Variants in WWOX observed in about 807,000 individuals in gnomAD.
WWOX encodes WW domain-containing oxidoreductase.
WWOX carries 69 observed loss-of-function variants against 46.2 expected under a neutral mutation model. The observed-to-expected ratio is 1.49, with a 90% CI of 1.23 to 1.82. WWOX has a LOEUF of 1.82. Among genes scored for constraint, WWOX ranks in the 40% most tolerant of loss-of-function variants. WWOX has a pLI of 0.00. For missense variants in WWOX, 919 were observed against 542.6 expected (o/e 1.69, Z -6.89); for synonymous variants, 359 against 202.6 (o/e 1.77, Z -6.56).
Position 78,443,482 on chromosome 16 carries a change from C to T in WWOX, c.1056+10730C>T, listed in dbSNP as rs147092591. ...GCTTGGAGGAAACATTGGCCACTTTCTTGTTAAAAACAAAGAGAGGGAAAC... is the reference window on the plus strand; with the variant it reads ...GCTTGGAGGAAACATTGGCCACTTTTTTGTTAAAAACAAAGAGAGGGAAAC... On this transcript the variant is annotated intron_variant, in intron 8 of 8. Coordinates refer to ENST00000566780, the MANE Select transcript of WWOX (RefSeq NM_016373.4). Among the ~76,000 whole-genome samples, 9 of 152,228 alleles carry T rather than the reference C, an allele frequency of 5.9e-5. No individual in the cohort carries two copies. The South Asian group carries it at 1.7e-3, about 28-fold the overall frequency.
intron 8 of WWOX, among the ~76,000 whole-genome samples, chr16:78,718,306 T>A (rs997659630): frequency 2.0e-5 from 3 of 151,992 alleles, no homozygotes; most frequent in Non-Finnish European, 4.4e-5. Context: ...GGATTCTCAC[T>A]GGATACCATC....
intron 8 of WWOX, among the ~76,000 whole-genome samples, chr16:78,760,901 C>A (rs999965152): frequency 1.3e-5 from 2 of 152,176 alleles, no homozygotes; most frequent in Admixed American, 6.5e-5. Flanking sequence ...GGGAAAGGCG[C>A]ATCTCACGTG....
Position 78,114,235 on chromosome 16 carries a change from C to T in WWOX, c.231-741C>T, listed in dbSNP as rs191531841. Among the ~76,000 whole-genome samples, 111 of 151,854 alleles carry T rather than the reference C, an allele frequency of 7.3e-4. 2 individuals are homozygous for T. Among genetic ancestry groups the T allele is most frequent in the Admixed American group, 6.9e-3 (105 of 15,246 alleles). On this transcript the variant is annotated intron_variant, in intron 3 of 8. Coordinates refer to ENST00000566780, the MANE Select transcript of WWOX (RefSeq NM_016373.4). ...CCTACCTCAGCCTCCCAAGTAGCTG[C>T]GACTACAGGCGTGTGCTATCACACT...
intron 8 of WWOX, among the ~76,000 whole-genome samples, chr16:79,024,933 A>G (rs903772514): frequency 6.6e-6 from 1 of 152,136 alleles, no homozygotes; most frequent in Non-Finnish European, 1.5e-5. Context: ...TGAGTGTGGG[A>G]TGAGGATGGG....
chr16:78,222,534 A>C (rs866378340), intron 5 of WWOX, among the ~76,000 whole-genome samples: 1 of 152,144 alleles, frequency 6.6e-6, no homozygotes, highest in Non-Finnish European at 1.5e-5. Context: ...TTTGCAGCCG[A>C]GACATCGGGG....
intron 8 of WWOX, among the ~76,000 whole-genome samples, chr16:78,941,998 G>A (rs1207292432): frequency 3.3e-5 from 5 of 152,118 alleles, no homozygotes; most frequent in African/African-American, 1.2e-4. Context: ...AAATAAAGTG[G>A]GTGGAAGTAT....
intron 3 of WWOX, among the ~76,000 whole-genome samples, chr16:78,112,334 C>T (rs894823292): frequency 6.6e-6 from 1 of 152,200 alleles, no homozygotes; most frequent in Non-Finnish European, 1.5e-5. Flanking sequence ...ATAGATACCA[C>T]TGACACTATT....
chr16:79,119,893 T>G (rs2049593340), intron 8 of WWOX, among the ~76,000 whole-genome samples: 1 of 151,730 alleles, frequency 6.6e-6, no homozygotes, highest in Admixed American at 6.6e-5. Context: ...AAGGAGAGAG[T>G]TTAGTGGCAG....
rs146571520 is a variant in WWOX, at chr16:79,088,913, A to G, written c.1057-122695A>G. ...ACCTCTTTTCCAAAGGATACTTCCT[A>G]TTGGAGTGTACTTTTAAAATCTATT... On this transcript the variant is annotated intron_variant, in intron 8 of 8. Coordinates refer to ENST00000566780, the MANE Select transcript of WWOX (RefSeq NM_016373.4). Among the ~76,000 whole-genome samples, 197 of 152,274 alleles carry G rather than the reference A, an allele frequency of 1.3e-3. 1 individual carries two copies. The highest frequency in any genetic ancestry group is 4.5e-3 in the African/African-American group (187 of 41,568).
At chr16:78,820,937 C>G (rs759793611) in intron 8 of WWOX, among the ~76,000 whole-genome samples, 16 of 152,156 alleles carry the variant, frequency 1.1e-4, no homozygotes, top group Non-Finnish European at 1.9e-4. Context: ...TCTCCTCTGG[C>G]TTTGTGTCCT....
chr16:78,791,371 G>A (rs1258505196), intron 8 of WWOX, among the ~76,000 whole-genome samples: 2 of 152,158 alleles, frequency 1.3e-5, no homozygotes, highest in Admixed American at 6.5e-5. Flanking sequence ...CAGCAGGCAG[G>A]AGCAGCCGAT....
intron 8 of WWOX, among the ~76,000 whole-genome samples, chr16:78,727,135 A>T (rs908509718): frequency 1.3e-5 from 2 of 152,214 alleles, no homozygotes; most frequent in African/African-American, 4.8e-5. Flanking sequence ...ACAGTGGCTC[A>T]CACCTATAAT....
chr16:78,871,925 C>T (rs578221511), intron 8 of WWOX, among the ~76,000 whole-genome samples: 1 of 152,172 alleles, frequency 6.6e-6, no homozygotes, highest in African/African-American at 2.4e-5. Context: ...TTTCTGGCCC[C>T]TCAACCTGTT....
intron 5 of WWOX, among the ~76,000 whole-genome samples, chr16:78,272,117 C>A (rs1430645067): frequency 1.3e-5 from 2 of 152,174 alleles, no homozygotes; most frequent in Admixed American, 1.3e-4. Flanking sequence ...AAAACAACAA[C>A]CATTTTGTTT....
chr16:78,737,870 TCAC>T (rs746830908), intron 8 of WWOX, among the ~76,000 whole-genome samples: 15 of 152,274 alleles, frequency 9.9e-5, no homozygotes, highest in South Asian at 2.1e-4. Context: ...CTTTATTCCC[TCAC>T]CGATCCCTTC....
chr16:78,776,846 AAC>A (rs2050202554), intron 8 of WWOX, among the ~76,000 whole-genome samples: 1 of 152,062 alleles, frequency 6.6e-6, no homozygotes, highest in Admixed American at 6.6e-5. Context: ...ATCGCGTAAG[AAC>A]TCGCTATGTC....
intron 5 of WWOX, among the ~76,000 whole-genome samples, chr16:78,254,085 TTC>T (rs1244959922): frequency 8.6e-5 from 13 of 151,954 alleles, no homozygotes; most frequent in African/African-American, 2.4e-4. Context: ...TCTTTTTTTT[TTC>T]TGAGACAATG....
chr16:78,965,185 T>C lies in WWOX; in HGVS notation c.1057-246423T>C, dbSNP rs185239370. Among the ~76,000 whole-genome samples the C allele has an allele frequency of 5.6e-4, 86 of 152,332 alleles. 1 individual carries two copies. The Middle Eastern group carries it at 0.014, about 24-fold the overall frequency. ...AAGAGGGAAAGTGAACTAAGCTCTT[T>C]AAACCTCATATGTTTCCATCAGTAA... is the stretch of plus-strand genomic sequence containing the variant. On this transcript the variant is annotated intron_variant, in intron 8 of 8. Coordinates refer to ENST00000566780, the MANE Select transcript of WWOX (RefSeq NM_016373.4).
chr16:79,202,966 A>C (rs1265931140), intron 8 of WWOX: 1 of 152,174 alleles, frequency 6.6e-6, no homozygotes, highest in East Asian at 1.9e-4. Flanking sequence ...TTCTATGCTA[A>C]GGTGTTGCAT....
Sources: allele counts gnomAD v4.1 joint callset (sites outside exome capture counted in the v4.1 genomes callset), GRCh38; gene constraint gnomAD v4.1.1; transcripts MANE v1.5; gene names NCBI Gene and HGNC (gene_info 2026-07-23, HGNC 2026-07-21).